The following SHROOM2 variants were observed in gnomAD, a reference collection of about 807,000 sequenced individuals.
SHROOM2 encodes protein Shroom2.
Under a neutral mutation model 75.9 loss-of-function variants are expected in SHROOM2, and 33 were observed. That is an observed-to-expected ratio of 0.43 (90% confidence interval 0.33 to 0.58). SHROOM2 has a LOEUF of 0.58. SHROOM2 is among the 20% of genes least tolerant of loss of function. The pLI is 0.04. For missense variants in SHROOM2, 1,434 were observed against 1,461.2 expected (o/e 0.98, Z 0.30); for synonymous variants, 655 against 663.6 (o/e 0.99, Z 0.20).
chrX:9,828,897 C>T, intron 1 of SHROOM2, among the ~76,000 whole-genome samples: 1 of 112,730 alleles, frequency 8.9e-6, no homozygotes, highest in Non-Finnish European at 1.9e-5. Context: ...GACCATAGCG[C>T]TATCTTTGAG....
intron 1 of SHROOM2, among the ~76,000 whole-genome samples, chrX:9,824,176 G>A (rs1170859941): frequency 9.0e-6 from 1 of 110,655 alleles, no homozygotes; most frequent in Non-Finnish European, 1.9e-5. Flanking sequence ...GCTCACACCT[G>A]TAATCCCAGC....
At chrX:9,939,814 TCTCC>T (rs754338947) in intron 8 of SHROOM2, among the ~76,000 whole-genome samples, 22 of 110,517 alleles carry the variant, frequency 2.0e-4, no homozygotes, top group Non-Finnish European at 3.4e-4. Flanking sequence ...TGAGATAGAG[TCTCC>T]CTCTGTCACC....
At chrX:9,943,844 C>G (rs771645035) in intron 8 of SHROOM2, among the ~76,000 whole-genome samples, 2 of 111,896 alleles carry the variant, frequency 1.8e-5, no homozygotes, top group East Asian at 5.5e-4. Context: ...CTAGTATTAG[C>G]AATTAAAATT....
intron 4 of SHROOM2, among the ~76,000 whole-genome samples, chrX:9,897,680 C>CAAAAAAAAAAAAAAAAAAAAAAAAAA (rs56026461): frequency 5.7e-5 from 4 of 70,613 alleles, no homozygotes; most frequent in African/African-American, 1.8e-4. Context: ...GACCCTGTCT[C>CAAAAAAAAAAAAAAAAAAAAAAAAAA]AAAAAAAAAA....
chrX:9,820,117 T>A (rs6640517), intron 1 of SHROOM2, among the ~76,000 whole-genome samples: 7 of 12,067 alleles, frequency 5.8e-4, no homozygotes, highest in Admixed American at 3.9e-3. Context: ...ACCTTTAAAA[T>A]TTTTTTTTTT....
intron 1 of SHROOM2, among the ~76,000 whole-genome samples, chrX:9,791,986 G>T (rs1379302740): frequency 0.21 from 5 of 24 alleles, 1 homozygote; most frequent in Non-Finnish European, 0.45. Context: ...GAATAGAATA[G>T]AATAGAATAG....
intron 1 of SHROOM2, among the ~76,000 whole-genome samples, chrX:9,819,621 C>T (rs760046993): frequency 1.8e-5 from 2 of 111,069 alleles, no homozygotes; most frequent in Admixed American, 9.7e-5. Context: ...AGGCTGTAAG[C>T]GTCTTGCTTG....
chrX:9,820,431 C>CAT (rs1450876371), intron 1 of SHROOM2, among the ~76,000 whole-genome samples: 1 of 110,989 alleles, frequency 9.0e-6, no homozygotes, highest in African/African-American at 3.3e-5. Context: ...GTGGTACAAT[C>CAT]ATAGCTCACT....
At chrX:9,823,675 TG>T (rs1359840120) in intron 1 of SHROOM2, among the ~76,000 whole-genome samples, 1 of 111,582 alleles carries the variant, frequency 9.0e-6, no homozygotes, top group Non-Finnish European at 1.9e-5. Flanking sequence ...TTTTGCTTTT[TG>T]CTTTGTTTTT....
chrX:9,916,707 G>T (rs1312750960), intron 5 of SHROOM2, among the ~76,000 whole-genome samples: 1 of 111,963 alleles, frequency 8.9e-6, no homozygotes, highest in Admixed American at 9.5e-5. Flanking sequence ...AGACTTTTTT[G>T]GTGCACTGAC....
At chrX:9,879,463 G>A (rs754962060) in intron 2 of SHROOM2, among the ~76,000 whole-genome samples, 1 of 111,330 alleles carries the variant, frequency 9.0e-6, no homozygotes, top group East Asian at 2.8e-4. Flanking sequence ...GTTGCGCCAT[G>A]TTGGCCAGGC....
At chrX:9,893,912 C>T (rs1383946949) in intron 3 of SHROOM2, among the ~76,000 whole-genome samples, 1 of 105,193 alleles carries the variant, frequency 9.5e-6, no homozygotes, top group Non-Finnish European at 1.9e-5. Flanking sequence ...TGAGATCACG[C>T]GTCTGCACTC....
At chrX:9,912,643 G>T (rs2084440598) in intron 5 of SHROOM2, 1 of 111,740 alleles carries the variant, frequency 8.9e-6, no homozygotes, top group Non-Finnish European at 1.9e-5. Context: ...CTTCATCCCA[G>T]ATGGGACCGG....
chrX:9,890,972 T>A lies in SHROOM2; in HGVS notation c.318-5T>A, dbSNP rs756132322. 8.3e-7 allele frequency: 1 copy of A among 1,201,677 alleles called. No homozygotes were observed. The highest frequency in any genetic ancestry group is 1.8e-5 in the South Asian group (1 of 54,944). On this transcript the variant is annotated splice_region_variant and splice_polypyrimidine_tract_variant and intron_variant, in intron 2 of 9. Transcript: ENST00000380913. ...ACCCCCCGCCTCCCCTGCGTTCTTT[T>A]CTAGGAGGAGCGAGCTGGGCTGGAG...
chrX:9,799,663 G>C (rs1338221988), intron 1 of SHROOM2, among the ~76,000 whole-genome samples: 2 of 109,692 alleles, frequency 1.8e-5, no homozygotes, highest in African/African-American at 6.7e-5. Flanking sequence ...CTACTAGAAG[G>C]TTGGATTTCT....
rs1054608435 is a variant in SHROOM2, at chrX:9,944,727, C to T, written c.4398C>T (p.Thr1466=). Residue 1466 remains threonine (T), a synonymous_variant, in exon 9 of 10, where the codon ACC becomes ACT. Transcript: ENST00000380913. ...ESLLEDVQAN[T]VLGAEVEAIV... is the part of the protein sequence containing the mutation. Reference sequence around the variant, plus strand: ...TGCTGGAGGACGTGCAGGCCAACACCGTGCTGGGGGCCGAGGTGGAGGCCA... The same window carrying T: ...TGCTGGAGGACGTGCAGGCCAACACTGTGCTGGGGGCCGAGGTGGAGGCCA... The T allele has an allele frequency of 3.0e-5, 36 of 1,212,076 alleles. No individual in the cohort carries two copies. The highest frequency in any genetic ancestry group is 3.8e-5 in the Non-Finnish European group (34 of 895,511).
chrX:9,906,904 A>G (rs918998292), intron 5 of SHROOM2, among the ~76,000 whole-genome samples: 1 of 112,800 alleles, frequency 8.9e-6, no homozygotes, highest in Non-Finnish European at 1.9e-5. Context: ...TCAGAGGAAC[A>G]TAGTGTCCCT....
At chrX:9,829,229 A>G (rs1601931747) in intron 1 of SHROOM2, among the ~76,000 whole-genome samples, 3 of 111,099 alleles carry the variant, frequency 2.7e-5, no homozygotes, top group Non-Finnish European at 5.7e-5. Context: ...TCACCATGTT[A>G]GCCAGGCTGG....
intron 5 of SHROOM2, among the ~76,000 whole-genome samples, chrX:9,913,797 T>G (rs1330083908): frequency 8.9e-6 from 1 of 112,230 alleles, no homozygotes; most frequent in Non-Finnish European, 1.9e-5. Flanking sequence ...GTCTTAAGAT[T>G]TATAAGATGA....
Sources: allele counts gnomAD v4.1 joint callset (sites outside exome capture counted in the v4.1 genomes callset), GRCh38; gene constraint gnomAD v4.1.1; transcripts MANE v1.5; gene names NCBI Gene and HGNC (gene_info 2026-07-23, HGNC 2026-07-21).